The following RORB variants were observed in gnomAD, a reference collection of about 807,000 sequenced individuals.
RORB encodes the protein RAR related orphan receptor B.
RORB carries 6 observed loss-of-function variants against 59.1 expected under a neutral mutation model. The observed-to-expected ratio is 0.10, with a 90% confidence interval of 0.06 to 0.20. The LOEUF (loss-of-function observed/expected upper bound fraction) is 0.20. Among genes scored for constraint, RORB ranks in the 10% least tolerant of loss-of-function variants. The pLI, the probability that RORB is intolerant of heterozygous loss-of-function variation, is 1.00. For synonymous variants in RORB, 215 were observed against 204.5 expected (o/e 1.05, Z -0.44); for missense variants, 320 against 560.5 (o/e 0.57, Z 4.33).
intron 2 of RORB, among the ~76,000 whole-genome samples, chr9:74,633,521 T>C (rs1054920634): frequency 6.6e-6 from 1 of 152,214 alleles, no homozygotes; most frequent in African/African-American, 2.4e-5. Context: ...TCATGACACA[T>C]TGCACTTTTC....
intron 1 of RORB, among the ~76,000 whole-genome samples, chr9:74,600,257 T>C (rs1823034406): frequency 6.6e-6 from 1 of 152,236 alleles, no homozygotes; most frequent in African/African-American, 2.4e-5. Context: ...AAGTAATTCC[T>C]GGGTGAAGGC....
intron 4 of RORB, among the ~76,000 whole-genome samples, chr9:74,644,833 T>C (rs1376585491): frequency 1.3e-5 from 2 of 152,204 alleles, no homozygotes; most frequent in African/African-American, 2.4e-5. Context: ...AACTTGTTTA[T>C]GATTTAGCAA....
intron 1 of RORB, among the ~76,000 whole-genome samples, chr9:74,520,127 G>A (rs1436218589): frequency 6.6e-6 from 1 of 151,598 alleles, no homozygotes; most frequent in African/African-American, 2.4e-5. Context: ...TTTTTCCAAT[G>A]CTGTACAAAA....
intron 1 of RORB, among the ~76,000 whole-genome samples, chr9:74,598,398 G>A (rs547292284): frequency 6.6e-6 from 1 of 152,288 alleles, no homozygotes; most frequent in African/African-American, 2.4e-5. Flanking sequence ...GAGAAAAAGA[G>A]CAATCATAAT....
chr9:74,518,580 G>A (rs12351150), intron 1 of RORB, among the ~76,000 whole-genome samples: 1 of 151,960 alleles, frequency 6.6e-6, no homozygotes, highest in African/African-American at 2.4e-5. Flanking sequence ...GCCCCGCCAC[G>A]ATCCTCATTT....
Position 74,549,296 on chromosome 9 carries a change from T to C in RORB, c.7+51313T>C, listed in dbSNP as rs1181464471. 1.3e-5 allele frequency among the ~76,000 whole-genome samples: 2 copies of C among 151,632 alleles called. 1 individual carries two copies. The highest frequency in any genetic ancestry group is 2.9e-5 in the Non-Finnish European group (2 of 67,932). On this transcript the variant is annotated intron_variant, in intron 1 of 9. Transcript: ENST00000376896. ...CCGTCTCTACTAAAAATACAAAAAT[T>C]AGCTGGGCATGGGAGCAGGCGCCTG...
chr9:74,623,441 C>CTTTTTTTTTTTTTT (rs35945048), intron 1 of RORB, among the ~76,000 whole-genome samples: 2 of 145,460 alleles, frequency 1.4e-5, no homozygotes, highest in Non-Finnish European at 3.0e-5. Flanking sequence ...TTTTCTCTCT[C>CTTTTTTTTTTTTTT]TTTTTTTTTT....
intron 1 of RORB, among the ~76,000 whole-genome samples, chr9:74,527,491 A>G (rs1826172152): frequency 6.6e-6 from 1 of 152,090 alleles, no homozygotes; most frequent in African/African-American, 2.4e-5. Context: ...TCTACAAAGA[A>G]TAATAAAGCA....
chr9:74,544,442 C>T (rs538358166), intron 1 of RORB, among the ~76,000 whole-genome samples: 33 of 152,312 alleles, frequency 2.2e-4, no homozygotes, highest in African/African-American at 7.5e-4. Context: ...ATAATTTTCT[C>T]ATTTGCATAC....
Position 74,642,517 on chromosome 9 carries a change from G to A in RORB, c.339G>A (p.Gly113=). Residue 113 remains glycine, a synonymous_variant, in exon 4 of 10, where the codon GGG becomes GGA. Transcript: ENST00000376896. ...AGGAACAGCGGCAGCAGCAGAGTGG[G>A]GAGGCAGAAGCCCTTGCCAGGGTGT... ...RLQEQRQQQS[G]EAEALARVYS... 6.2e-7 allele frequency: 1 copy of A among 1,614,242 alleles called. No individual in the cohort carries two copies. Among genetic ancestry groups the A allele is most frequent in the Non-Finnish European group, 8.5e-7 (1 of 1,180,046 alleles).
intron 1 of RORB, among the ~76,000 whole-genome samples, chr9:74,585,667 C>T (rs953668193): frequency 7.2e-5 from 11 of 152,058 alleles, no homozygotes; most frequent in African/African-American, 1.9e-4. Context: ...CTTTTTTCTC[C>T]GCTATAAAAA....
intron 1 of RORB, among the ~76,000 whole-genome samples, chr9:74,508,161 C>G (rs761189261): frequency 1.3e-5 from 2 of 151,748 alleles, no homozygotes; most frequent in Non-Finnish European, 2.9e-5. Context: ...TACTTTCATT[C>G]TTGTGATTTC....
intron 1 of RORB, among the ~76,000 whole-genome samples, chr9:74,570,443 G>A (rs1822533779): frequency 6.6e-6 from 1 of 152,032 alleles, no homozygotes; most frequent in Admixed American, 6.6e-5. Context: ...ATCACAATAT[G>A]TTTATTTTTT....
chr9:74,582,819 A>C (rs1233796206), intron 1 of RORB, among the ~76,000 whole-genome samples: 1 of 152,150 alleles, frequency 6.6e-6, no homozygotes, highest in Non-Finnish European at 1.5e-5. Flanking sequence ...CTTCCTAAAG[A>C]TCCTGTATGC....
At chr9:74,645,332 A>G (rs935970687) in intron 4 of RORB, among the ~76,000 whole-genome samples, 1 of 152,176 alleles carries the variant, frequency 6.6e-6, no homozygotes, top group Non-Finnish European at 1.5e-5. Context: ...ATTTCACTAA[A>G]ATATTAAATC....
At chr9:74,554,153 A>T (rs574854743) in intron 1 of RORB, among the ~76,000 whole-genome samples, 1 of 152,290 alleles carries the variant, frequency 6.6e-6, no homozygotes, top group Admixed American at 6.5e-5. Flanking sequence ...ATTTACTCCA[A>T]ACTCTTGATT....
At chr9:74,654,532 C>T (rs545823554) in intron 4 of RORB, among the ~76,000 whole-genome samples, 32 of 152,282 alleles carry the variant, frequency 2.1e-4, no homozygotes, top group African/African-American at 7.7e-4. Context: ...TTTAATTTCT[C>T]TCTTCTTATT....
intron 1 of RORB, among the ~76,000 whole-genome samples, chr9:74,614,959 C>A (rs1281547468): frequency 6.6e-6 from 1 of 152,094 alleles, no homozygotes; most frequent in African/African-American, 2.4e-5. Context: ...CCGGTGAGGT[C>A]ACCTGGTGTT....
chr9:74,498,075 G>A, intron 1 of RORB, 92 bp downstream of exon 1: 1 of 1,446,782 alleles, frequency 6.9e-7, no homozygotes, highest in South Asian at 1.2e-5. Flanking sequence ...CAGCAGAAAG[G>A]GAAAGAGGTT....
Sources: gnomAD v4.1 joint callset for allele counts (sites outside exome capture counted in the v4.1 genomes callset) on GRCh38, gnomAD v4.1.1 for gene constraint, MANE v1.5 for transcripts, NCBI Gene and HGNC (gene_info 2026-07-23, HGNC 2026-07-21) for gene names.